The following TEX2 variants were observed in gnomAD, a reference collection of about 807,000 sequenced individuals.
TEX2 encodes testis expressed 2, also known as testis-expressed protein 2.
A neutral mutation model predicts 106.9 loss-of-function variants in TEX2; 53 were observed. That is an observed-to-expected ratio of 0.50 (90% CI 0.40 to 0.62). The LOEUF (loss-of-function observed/expected upper bound fraction) is 0.62. TEX2 is among the 20% of genes least tolerant of loss of function. The pLI, the probability that TEX2 is intolerant of heterozygous loss-of-function variation, is 0.00. For synonymous variants in TEX2, 523 were observed against 534.8 expected (o/e 0.98, Z 0.30); for missense variants, 1,207 against 1,379.0 (o/e 0.88, Z 1.98).
intron 1 of TEX2, among the ~76,000 whole-genome samples, chr17:64,262,619 T>C (rs1353964305): frequency 2.6e-5 from 4 of 152,142 alleles, no homozygotes; most frequent in South Asian, 4.1e-4. Flanking sequence ...AACCTTCCGA[T>C]CCCCCGGATT....
intron 8 of TEX2, among the ~76,000 whole-genome samples, chr17:64,159,340 G>A (rs1218969985): frequency 6.6e-6 from 1 of 152,146 alleles, no homozygotes; most frequent in Non-Finnish European, 1.5e-5. Context: ...TTCTGCTTCA[G>A]GTGCTTCATT....
intron 6 of TEX2, among the ~76,000 whole-genome samples, chr17:64,175,575 T>C (rs1400281393): frequency 2.0e-5 from 3 of 152,092 alleles, no homozygotes; most frequent in African/African-American, 7.2e-5. Context: ...CAAACCAGTT[T>C]GGTTTTGTTG....
chr17:64,148,917 C>T lies in TEX2; in HGVS notation c.*52G>A, dbSNP rs956924071. ...CTACAGTACAGATGGCGGCCAAGAA[C>T]CCCACACATCCAGCTCGATGTCACA... On this transcript the variant is annotated 3_prime_UTR_variant, in exon 12 of 12. Coordinates refer to ENST00000584379, the MANE Select transcript of TEX2 (RefSeq NM_001288732.2). 29 of 1,609,590 alleles carry T rather than the reference C, an allele frequency of 1.8e-5. No homozygotes were observed. In the South Asian group the frequency reaches 2.8e-4, roughly 15 times the overall value.
chr17:64,203,166 T>C (rs1169812758), intron 2 of TEX2, among the ~76,000 whole-genome samples: 1 of 152,240 alleles, frequency 6.6e-6, no homozygotes, highest in African/African-American at 2.4e-5. Context: ...GATACTGAGC[T>C]GACCAGAGAA....
intron 1 of TEX2, chr17:64,230,832 G>C (rs916901678): frequency 5.3e-5 from 8 of 152,204 alleles, no homozygotes; most frequent in Non-Finnish European, 1.2e-4. Context: ...CATACTTAGA[G>C]TCCTACTTTT....
chr17:64,247,551 G>A (rs1202455791), intron 1 of TEX2, among the ~76,000 whole-genome samples: 1 of 152,182 alleles, frequency 6.6e-6, no homozygotes, highest in African/African-American at 2.4e-5. Context: ...GGGCTCCAGA[G>A]ATGATCTGGT....
chr17:64,254,665 G>C (rs1382693756), intron 1 of TEX2, among the ~76,000 whole-genome samples: 2 of 152,158 alleles, frequency 1.3e-5, no homozygotes, highest in African/African-American at 4.8e-5. Context: ...ATATTAACTT[G>C]TGTCCTGTTT....
At chr17:64,165,552 G>A (rs1430832058) in intron 7 of TEX2, among the ~76,000 whole-genome samples, 1 of 152,248 alleles carries the variant, frequency 6.6e-6, no homozygotes, top group Non-Finnish European at 1.5e-5. Flanking sequence ...CTCAGGCCCA[G>A]GCAGCCCCAG....
At chr17:64,196,037 C>T (rs182524619) in intron 2 of TEX2, among the ~76,000 whole-genome samples, 152 of 152,354 alleles carry the variant, frequency 1.0e-3, no homozygotes, top group Non-Finnish European at 1.7e-3. Context: ...AAGCTCACTA[C>T]ATGGGAGTTG....
At chr17:64,189,180 TCC>T (rs1305840440) in intron 4 of TEX2, among the ~76,000 whole-genome samples, 5 of 152,174 alleles carry the variant, frequency 3.3e-5, no homozygotes, top group Non-Finnish European at 7.3e-5. Context: ...GAAGACATAA[TCC>T]CTGCCCTTGA....
At chr17:64,243,751 T>C (rs1254152259) in intron 1 of TEX2, among the ~76,000 whole-genome samples, 1 of 151,996 alleles carries the variant, frequency 6.6e-6, no homozygotes, top group Non-Finnish European at 1.5e-5. Flanking sequence ...GCGGAGAGAG[T>C]TCATAGTGTT....
At chr17:64,154,514 G>C (rs1209459084) in intron 9 of TEX2, among the ~76,000 whole-genome samples, 1 of 152,212 alleles carries the variant, frequency 6.6e-6, no homozygotes, top group South Asian at 2.1e-4. Flanking sequence ...TGAGGGGAGG[G>C]AGGCTCTCCG....
In TEX2 at chr17:64,166,704, G is replaced by A. The variant is rs1171745263; in HGVS notation, c.2671+4396C>T. ...CCTGGTTATCTCTGAATGGTGGGAT[G>A]ATGGGTAATATTTTCCTTTTTACCT... On this transcript the variant is annotated intron_variant, in intron 7 of 11. Transcript: ENST00000584379. 2.0e-5 allele frequency among the ~76,000 whole-genome samples: 3 copies of A among 152,256 alleles called. No homozygotes were observed. The East Asian group carries it at 5.8e-4, about 29-fold the overall frequency.
intron 1 of TEX2, among the ~76,000 whole-genome samples, chr17:64,220,291 CACAG>C (rs1256587323): frequency 2.0e-5 from 3 of 152,124 alleles, no homozygotes; most frequent in Non-Finnish European, 2.9e-5. Context: ...ATGACATAGG[CACAG>C]ACAAAGATTT....
intron 1 of TEX2, among the ~76,000 whole-genome samples, chr17:64,250,457 C>A (rs990694111): frequency 6.6e-6 from 1 of 152,210 alleles, no homozygotes; most frequent in Non-Finnish European, 1.5e-5. Context: ...TTAAGTCCAA[C>A]ACACACACTT....
intron 8 of TEX2, among the ~76,000 whole-genome samples, chr17:64,158,723 T>C (rs143227769): frequency 2.2e-4 from 33 of 152,244 alleles, no homozygotes; most frequent in African/African-American, 7.2e-4. Flanking sequence ...AAATGGTGCA[T>C]GTGGAAGCAT....
intron 1 of TEX2, among the ~76,000 whole-genome samples, chr17:64,234,164 G>A (rs2033718097): frequency 6.6e-6 from 1 of 152,198 alleles, no homozygotes; most frequent in Non-Finnish European, 1.5e-5. Flanking sequence ...GGGAAAATAA[G>A]CACAAGGAGC....
At chr17:64,254,443 C>A (rs927117208) in intron 1 of TEX2, among the ~76,000 whole-genome samples, 1 of 152,188 alleles carries the variant, frequency 6.6e-6, no homozygotes, top group African/African-American at 2.4e-5. Flanking sequence ...AATATGGGCA[C>A]ATGGAACTAT....
At chr17:64,210,828 T>C (rs1295394494) in intron 2 of TEX2, among the ~76,000 whole-genome samples, 1 of 152,014 alleles carries the variant, frequency 6.6e-6, no homozygotes, top group Admixed American at 6.6e-5. Context: ...AGTTCTCCTT[T>C]TCATACATCT....
Sources: allele counts gnomAD v4.1 joint callset (sites outside exome capture counted in the v4.1 genomes callset), GRCh38; gene constraint gnomAD v4.1.1; transcripts MANE v1.5; gene names NCBI Gene and HGNC (gene_info 2026-07-23, HGNC 2026-07-21).